Variants in TRPM3 observed in about 807,000 individuals in gnomAD.
TRPM3 encodes the protein long transient receptor potential channel 3.
A neutral mutation model predicts 181.2 loss-of-function variants in TRPM3; 77 were observed. The observed-to-expected ratio is 0.42, with a 90% CI of 0.35 to 0.51. The LOEUF (loss-of-function observed/expected upper bound fraction) is 0.51. Among genes scored for constraint, TRPM3 ranks in the 20% least tolerant of loss-of-function variants. The pLI is 0.01. For missense variants in TRPM3, 1,759 were observed against 2,196.7 expected, an observed-to-expected ratio of 0.80 and a Z score of 3.98; for synonymous variants, 745 against 796.4, an observed-to-expected ratio of 0.94 and a Z score of 1.09.
intron 21 of TRPM3, among the ~76,000 whole-genome samples, chr9:70,595,304 C>G (rs898565086): frequency 6.6e-6 from 1 of 152,150 alleles, no homozygotes; most frequent in Non-Finnish European, 1.5e-5. Context: ...GAAAAAACAT[C>G]CAATCTGATT....
intron 1 of TRPM3, among the ~76,000 whole-genome samples, chr9:71,002,426 T>C (rs987914197): frequency 9.9e-5 from 15 of 152,224 alleles, no homozygotes; most frequent in Non-Finnish European, 1.5e-4. Context: ...GCCACCTTTC[T>C]TTTTACTGAG....
chr9:71,373,930 A>G (rs981981872), intron 1 of TRPM3, among the ~76,000 whole-genome samples: 1 of 152,218 alleles, frequency 6.6e-6, no homozygotes, highest in African/African-American at 2.4e-5. Context: ...ATCCACCACA[A>G]TCAAGCTGAC....
chr9:70,986,162 C>A (rs1013654740), intron 1 of TRPM3, among the ~76,000 whole-genome samples: 5 of 151,978 alleles, frequency 3.3e-5, no homozygotes, highest in Non-Finnish European at 7.4e-5. Context: ...GAGTTTGGAG[C>A]TAGCCTGGGC....
intron 1 of TRPM3, among the ~76,000 whole-genome samples, chr9:71,313,270 T>G (rs2088163407): frequency 6.6e-6 from 1 of 152,154 alleles, no homozygotes; most frequent in Admixed American, 6.6e-5. Flanking sequence ...TTAAGTACTA[T>G]CTTTATGTTC....
chr9:71,380,694 T>C (rs976813682), intron 1 of TRPM3, among the ~76,000 whole-genome samples: 1 of 152,096 alleles, frequency 6.6e-6, no homozygotes, highest in African/African-American at 2.4e-5. Context: ...CTTTATTAAA[T>C]AAGGTTCATT....
Position 70,812,478 on chromosome 9 carries a change from T to A in TRPM3, c.973+15369A>T, listed in dbSNP as rs1324024179. ...GTTCCTCTGGATTCTCAATAGTTTG[T>A]AAAATGGCCAACCAAGAGCAACTAC... On this transcript the variant is annotated intron_variant, in intron 6 of 25. Coordinates refer to ENST00000677713, the MANE Select transcript of TRPM3 (RefSeq NM_001366145.2). Among the ~76,000 whole-genome samples, 6 of 152,330 alleles carry A rather than the reference T, an allele frequency of 3.9e-5. No homozygotes were observed. In the South Asian group the frequency reaches 6.2e-4, roughly 16 times the overall value.
chr9:71,144,246 T>C (rs988945603), intron 1 of TRPM3, among the ~76,000 whole-genome samples: 2 of 152,150 alleles, frequency 1.3e-5, no homozygotes, highest in Non-Finnish European at 2.9e-5. Context: ...CTAGAAGTAG[T>C]ATGCTCTATC....
intron 1 of TRPM3, among the ~76,000 whole-genome samples, chr9:70,879,623 T>A (rs572411212): frequency 5.9e-5 from 9 of 152,176 alleles, no homozygotes; most frequent in African/African-American, 2.2e-4. Flanking sequence ...CCCCAGTGCC[T>A]GGCATCTGGT....
intron 1 of TRPM3, among the ~76,000 whole-genome samples, chr9:71,105,011 T>C (rs1439700563): frequency 6.6e-6 from 1 of 152,194 alleles, no homozygotes; most frequent in Non-Finnish European, 1.5e-5. Flanking sequence ...AATGAGTGCT[T>C]TGTCCAACAA....
chr9:71,316,486 T>C (rs758856710), intron 1 of TRPM3, among the ~76,000 whole-genome samples: 13 of 152,186 alleles, frequency 8.5e-5, no homozygotes, highest in Non-Finnish European at 1.6e-4. Context: ...AGGAAGATTA[T>C]CTTGAACTAT....
intron 1 of TRPM3, among the ~76,000 whole-genome samples, chr9:71,358,845 T>C (rs948975625): frequency 3.9e-5 from 6 of 152,300 alleles, no homozygotes; most frequent in African/African-American, 1.4e-4. Context: ...TCAGGGTTTG[T>C]AATGCATAGG....
chr9:70,991,916 T>A (rs567673823), intron 1 of TRPM3, among the ~76,000 whole-genome samples: 1 of 152,190 alleles, frequency 6.6e-6, no homozygotes, highest in African/African-American at 2.4e-5. Context: ...TTCCTTCTGA[T>A]AAAAATGTCT....
At chr9:70,635,597 A>G (rs943466230) in intron 11 of TRPM3, among the ~76,000 whole-genome samples, 3 of 151,278 alleles carry the variant, frequency 2.0e-5, no homozygotes, top group Non-Finnish European at 4.4e-5. Flanking sequence ...CTACAGGTAC[A>G]CAACACCATG....
At chr9:71,231,342 A>G (rs2081037288) in intron 1 of TRPM3, among the ~76,000 whole-genome samples, 1 of 152,140 alleles carries the variant, frequency 6.6e-6, no homozygotes, top group Admixed American at 6.6e-5. Context: ...AGGGTAAAAG[A>G]GAGAGAGAGG....
intron 1 of TRPM3, among the ~76,000 whole-genome samples, chr9:71,031,904 T>C (rs1272529289): frequency 7.3e-6 from 1 of 137,874 alleles, no homozygotes; most frequent in Admixed American, 8.2e-5. Context: ...TAATATCTGG[T>C]TATATTTGCA....
chr9:70,944,883 T>C (rs2096917755), intron 1 of TRPM3, among the ~76,000 whole-genome samples: 1 of 151,052 alleles, frequency 6.6e-6, no homozygotes, highest in Admixed American at 6.6e-5. Flanking sequence ...ACTACTCTGC[T>C]CACAGGTGAA....
At chr9:71,080,703 G>C (rs1468673421) in intron 1 of TRPM3, among the ~76,000 whole-genome samples, 1 of 152,146 alleles carries the variant, frequency 6.6e-6, no homozygotes, top group Non-Finnish European at 1.5e-5. Flanking sequence ...GGTGCACTCA[G>C]CTAGTAAGTA....
At chr9:70,776,321 G>T in intron 7 of TRPM3, 1 of 598,760 alleles carries the variant, frequency 1.7e-6, no homozygotes. Context: ...GAAGGAAGCT[G>T]GGGTAGGACA....
intron 1 of TRPM3, among the ~76,000 whole-genome samples, chr9:71,103,182 A>T (rs2068724953): frequency 6.6e-6 from 1 of 152,224 alleles, no homozygotes; most frequent in East Asian, 1.9e-4. Context: ...GCTGAATTGC[A>T]GTGTTTGAAA....
Sources: gnomAD v4.1 joint callset for allele counts (sites outside exome capture counted in the v4.1 genomes callset) on GRCh38, gnomAD v4.1.1 for gene constraint, MANE v1.5 for transcripts, NCBI Gene and HGNC (gene_info 2026-07-23, HGNC 2026-07-21) for gene names.